VPS13B: variants seen among roughly 807,000 people sequenced by gnomAD.
The protein encoded by VPS13B is vacuolar protein sorting 13 homolog B.
VPS13B carries 285 observed loss-of-function variants against 426.4 expected under a neutral mutation model. The observed-to-expected ratio is 0.67, with a 90% confidence interval of 0.61 to 0.74. VPS13B has a LOEUF of 0.74. VPS13B is among the 30% of genes least tolerant of loss of function. The pLI, the probability that VPS13B is intolerant of heterozygous loss-of-function variation, is 0.00. For synonymous variants in VPS13B, 1,676 were observed against 1,676.4 expected, an observed-to-expected ratio of 1.00 and a Z score of 0.01; for missense variants, 4,537 against 4,782.6, an observed-to-expected ratio of 0.95 and a Z score of 1.51.
chr8:99,661,557 G>A, intron 35 of VPS13B, 66 bp downstream of exon 35: 1 of 1,561,926 alleles, frequency 6.4e-7, no homozygotes, highest in Non-Finnish European at 8.7e-7. Flanking sequence ...ATGTATATAG[G>A]ATCTGTTAGT....
chr8:99,110,114 AATACTGTTT>A (rs1320261894), intron 5 of VPS13B, among the ~76,000 whole-genome samples: 4 of 152,186 alleles, frequency 2.6e-5, no homozygotes, highest in Admixed American at 6.5e-5. Context: ...ATCTGCAAAT[AATACTGTTT>A]AGACACATCT....
At chr8:99,308,458 C>T (rs572563347) in intron 19 of VPS13B, among the ~76,000 whole-genome samples, 62 of 152,218 alleles carry the variant, frequency 4.1e-4, no homozygotes, top group African/African-American at 1.4e-3. Flanking sequence ...CGATAGTTTG[C>T]TGCGAATGAT....
intron 17 of VPS13B, among the ~76,000 whole-genome samples, chr8:99,227,760 T>C (rs572884972): frequency 6.6e-6 from 1 of 152,280 alleles, no homozygotes; most frequent in African/African-American, 2.4e-5. Flanking sequence ...TTATACTATT[T>C]CTTTGTACAT....
At chr8:99,302,891 C>T (rs1820439365) in intron 19 of VPS13B, among the ~76,000 whole-genome samples, 1 of 152,148 alleles carries the variant, frequency 6.6e-6, no homozygotes. Flanking sequence ...ATTGCTTTAG[C>T]ACCATCCTAG....
chr8:99,174,498 G>A (rs538117880), intron 16 of VPS13B, among the ~76,000 whole-genome samples: 23 of 152,158 alleles, frequency 1.5e-4, no homozygotes, highest in South Asian at 4.2e-4. Flanking sequence ...AATAGCTATC[G>A]TAACAAATAT....
intron 21 of VPS13B, among the ~76,000 whole-genome samples, chr8:99,425,480 A>G (rs1256053799): frequency 1.3e-5 from 2 of 152,220 alleles, no homozygotes; most frequent in Admixed American, 1.3e-4. Flanking sequence ...GATTATCTCA[A>G]TAGATGCAGA....
chr8:99,233,804 G>A, intron 17 of VPS13B: 9 of 778,612 alleles, frequency 1.2e-5, no homozygotes, highest in South Asian at 1.1e-4. Context: ...GCCATTGTGG[G>A]CCACGATTTT....
intron 33 of VPS13B, among the ~76,000 whole-genome samples, chr8:99,619,108 TC>T (rs1828238891): frequency 6.6e-6 from 1 of 152,212 alleles, no homozygotes. Context: ...GAAGCTTCCT[TC>T]CCAGAAGCCT....
intron 2 of VPS13B, among the ~76,000 whole-genome samples, chr8:99,019,041 G>C (rs570558638): frequency 6.6e-6 from 1 of 151,904 alleles, no homozygotes; most frequent in African/African-American, 2.4e-5. Context: ...CTCGTAATGT[G>C]ATTACCTGGT....
At chr8:99,570,990 C>T (rs958980804) in intron 31 of VPS13B, among the ~76,000 whole-genome samples, 1 of 152,174 alleles carries the variant, frequency 6.6e-6, no homozygotes, top group Admixed American at 6.5e-5. Flanking sequence ...GTTTTTTCAA[C>T]AAGCTCTCTT....
chr8:99,661,463 A>G lies in VPS13B; in HGVS notation c.6018A>G (p.Leu2006=), dbSNP rs1830220407. 2 of 1,613,346 alleles carry G rather than the reference A, an allele frequency of 1.2e-6. No individual in the cohort carries two copies. The highest frequency in any genetic ancestry group is 1.7e-6 in the Non-Finnish European group (2 of 1,179,774). ...KSGIPPSFIT[L]QIKDFLNGPA... ...GTATTCCACCTTCCTTTATAACACT[A>G]CAGATTAAAGACTTTCTGAATGGAC... The change falls in exon 35 of 62, where the codon CTA becomes CTG. Residue 2006 remains leucine, a synonymous_variant. Transcript: ENST00000357162.
In VPS13B at chr8:99,875,881, C is replaced by CAGCT. The variant is rs1005364365; in HGVS notation, c.*216_*219dup. The stretch of plus-strand genomic sequence containing the variant: ...GCTGCATTTTTTTAAAAAGCCTAGG[C>CAGCT]AGCTCTAACATCATCTGATATGGAC... On this transcript the variant is annotated 3_prime_UTR_variant, in exon 62 of 62. Transcript: ENST00000357162. 6 of 597,044 alleles carry CAGCT rather than the reference C, an allele frequency of 1.0e-5. No homozygotes were observed. In the Admixed American group the frequency reaches 1.2e-4, roughly 12 times the overall value. The allele number at this position is 597,044 out of a possible 1,614,324, so 37.0% of individuals were successfully genotyped here.
At chr8:99,414,815 G>A (rs1815902006) in intron 21 of VPS13B, among the ~76,000 whole-genome samples, 1 of 152,092 alleles carries the variant, frequency 6.6e-6, no homozygotes, top group South Asian at 2.1e-4. Flanking sequence ...TTCCCTTTGT[G>A]GGTAACCCGA....
At chr8:99,289,097 A>AAAAG (rs1254928021) in intron 19 of VPS13B, among the ~76,000 whole-genome samples, 2 of 151,984 alleles carry the variant, frequency 1.3e-5, no homozygotes, top group Admixed American at 6.6e-5. Flanking sequence ...GAAAGAAAGA[A>AAAAG]AAAGAAAGAA....
intron 19 of VPS13B, among the ~76,000 whole-genome samples, chr8:99,297,726 G>A (rs1298232485): frequency 6.6e-6 from 1 of 152,144 alleles, no homozygotes; most frequent in Admixed American, 6.6e-5. Flanking sequence ...TCTATGCAAC[G>A]TTAGATAAAC....
chr8:99,832,294 TA>T lies in VPS13B; in HGVS notation c.9331-70del, dbSNP rs1249195538. On this transcript the variant is annotated intron_variant, in intron 51 of 61. Coordinates refer to ENST00000357162, the MANE Select transcript of VPS13B (RefSeq NM_152564.5). ...AAAGAAAAGAAAAGAAGATATGCTT[TA>T]AAAAGTTTAATTCTGCTGTATTACT... 1.1e-5 allele frequency: 16 copies of T among 1,440,330 alleles called. No homozygotes were observed. In the East Asian group the frequency reaches 4.1e-4, roughly 37 times the overall value. 89.2% of individuals were successfully genotyped at this position (1,440,330 alleles called of 1,614,324 possible).
intron 43 of VPS13B, among the ~76,000 whole-genome samples, chr8:99,792,024 T>C (rs1037406254): frequency 6.0e-4 from 91 of 152,278 alleles, no homozygotes; most frequent in Middle Eastern, 6.8e-3. Context: ...ACTGTTCAGC[T>C]GACTGCTGAA....
At chr8:99,489,144 C>T (rs780387378) in intron 25 of VPS13B, among the ~76,000 whole-genome samples, 8 of 152,066 alleles carry the variant, frequency 5.3e-5, no homozygotes, top group Non-Finnish European at 1.2e-4. Context: ...ATAGGGAGTC[C>T]TTTCCCTGTT....
At position 99,665,926 on chromosome 8, in the gene VPS13B, C is replaced by T. The variant is rs544990200; in HGVS notation, c.6046+4435C>T. Among the ~76,000 whole-genome samples the T allele has an allele frequency of 5.3e-4, 81 of 152,212 alleles. 1 individual carries two copies. The Middle Eastern group carries it at 0.034, about 64-fold the overall frequency. Reference sequence around the variant, plus strand: ...ACCTTGGGCAGTATGGCCATTTTCACGATATTGATTCTTCCTACCCATGAG... The same window carrying T: ...ACCTTGGGCAGTATGGCCATTTTCATGATATTGATTCTTCCTACCCATGAG... On this transcript the variant is annotated intron_variant, in intron 35 of 61. Coordinates refer to ENST00000357162, the MANE Select transcript of VPS13B (RefSeq NM_152564.5).
Sources: allele counts gnomAD v4.1 joint callset (sites outside exome capture counted in the v4.1 genomes callset), GRCh38; gene constraint gnomAD v4.1.1; transcripts MANE v1.5; gene names NCBI Gene and HGNC (gene_info 2026-07-23, HGNC 2026-07-21).